Variants in AFF3 observed in about 807,000 individuals in gnomAD.
The protein encoded by AFF3 is ALF transcription elongation factor 3, also known as AF4/FMR2 family member 3.
AFF3 carries 32 observed loss-of-function variants against 129.7 expected under a neutral mutation model. The observed-to-expected ratio is 0.25, with a 90% CI of 0.19 to 0.33. AFF3 has a LOEUF of 0.33. AFF3 is among the 10% of genes least tolerant of loss of function. The probability of loss-of-function intolerance (pLI) is 1.00; values close to 1 mark genes in which losing one functional copy is unlikely to be tolerated. For missense variants in AFF3, 1,373 were observed against 1,592.0 expected (o/e 0.86, Z 2.34); for synonymous variants, 644 against 635.4 (o/e 1.01, Z -0.20).
intron 4 of AFF3, among the ~76,000 whole-genome samples, chr2:100,090,952 A>G (rs1334886189): frequency 1.1e-4 from 17 of 152,068 alleles, no homozygotes; most frequent in Non-Finnish European, 1.8e-4. Context: ...GGCCTCCCAA[A>G]GTGCTGGGAT....
At chr2:100,015,158 T>C (rs917254887) in intron 4 of AFF3, among the ~76,000 whole-genome samples, 5 of 152,066 alleles carry the variant, frequency 3.3e-5, no homozygotes, top group Non-Finnish European at 7.4e-5. Flanking sequence ...ATTTATGTGG[T>C]TTACCCACTG....
At chr2:99,788,616 G>T (rs1684974438) in intron 8 of AFF3, among the ~76,000 whole-genome samples, 1 of 152,130 alleles carries the variant, frequency 6.6e-6, no homozygotes, top group South Asian at 2.1e-4. Flanking sequence ...AAGTAAAAAG[G>T]TTACAGTAAG....
chr2:99,672,329 T>C (rs1225148253), intron 12 of AFF3, among the ~76,000 whole-genome samples: 1 of 152,072 alleles, frequency 6.6e-6, no homozygotes, highest in Non-Finnish European at 1.5e-5. Flanking sequence ...CTCAATATCA[T>C]AAAAAATTAC....
intron 7 of AFF3, among the ~76,000 whole-genome samples, chr2:99,852,243 A>C (rs928336684): frequency 4.6e-5 from 7 of 152,196 alleles, no homozygotes; most frequent in African/African-American, 1.7e-4. Context: ...TCAATCTGTT[A>C]AGCAAGAAAA....
chr2:99,674,225 C>T (rs546566525), intron 11 of AFF3, among the ~76,000 whole-genome samples: 2 of 152,176 alleles, frequency 1.3e-5, no homozygotes. Context: ...ACCCCCAATT[C>T]CTCTGCATGT....
chr2:99,834,468 C>T (rs942849293), intron 8 of AFF3, among the ~76,000 whole-genome samples: 16 of 152,130 alleles, frequency 1.1e-4, no homozygotes, highest in African/African-American at 3.9e-4. Context: ...GTATGAGGGA[C>T]GTATTGCAAT....
intron 9 of AFF3, among the ~76,000 whole-genome samples, chr2:99,746,088 T>C (rs938788459): frequency 6.6e-6 from 1 of 151,674 alleles, no homozygotes; most frequent in Non-Finnish European, 1.5e-5. Flanking sequence ...TTTATCCATG[T>C]AACCAAAAAC....
At chr2:99,598,980 G>A (rs548103218) in intron 14 of AFF3, among the ~76,000 whole-genome samples, 2 of 152,200 alleles carry the variant, frequency 1.3e-5, no homozygotes, top group African/African-American at 4.8e-5. Context: ...AAGAACGAAC[G>A]TGCAGCCTGG....
intron 4 of AFF3, among the ~76,000 whole-genome samples, chr2:100,084,048 A>G (rs1181984258): frequency 6.6e-6 from 1 of 152,206 alleles, no homozygotes; most frequent in African/African-American, 2.4e-5. Context: ...AATCTTTTTG[A>G]CCAAATATTC....
chr2:99,892,189 C>T (rs1035405133), intron 7 of AFF3, among the ~76,000 whole-genome samples: 2 of 151,914 alleles, frequency 1.3e-5, no homozygotes, highest in African/African-American at 4.8e-5. Flanking sequence ...TATATGGGCT[C>T]CAAAATAAAA....
At chr2:100,042,131 T>A (rs540364555) in intron 4 of AFF3, among the ~76,000 whole-genome samples, 1 of 152,226 alleles carries the variant, frequency 6.6e-6, no homozygotes, top group African/African-American at 2.4e-5. Context: ...CTTCCTTTGT[T>A]CTTTGTCTCT....
intron 7 of AFF3, among the ~76,000 whole-genome samples, chr2:99,851,774 G>A (rs1690163045): frequency 6.6e-6 from 1 of 152,136 alleles, no homozygotes; most frequent in Non-Finnish European, 1.5e-5. Flanking sequence ...ACCTCCCACT[G>A]TACCTCTGAG....
chr2:99,658,472 G>T (rs1240621714), intron 12 of AFF3, among the ~76,000 whole-genome samples: 3 of 152,174 alleles, frequency 2.0e-5, no homozygotes, highest in Admixed American at 2.0e-4. Flanking sequence ...AGCCTCCTGA[G>T]TAGCTGGGAT....
chr2:100,141,995 G>A lies in AFF3; in HGVS notation c.-228+489C>T, dbSNP rs183308085. On this transcript the variant is annotated intron_variant, in intron 1 of 24. Transcript: ENST00000672756. ...TCTGCAGAAGTGACGGTGGCCTTAG[G>A]TGGAACTGCCCATGATCTCTCCTTG... Among the ~76,000 whole-genome samples, 78 of 152,272 alleles carry A rather than the reference G, an allele frequency of 5.1e-4. No homozygotes were observed. The East Asian group carries it at 0.011, about 21-fold the overall frequency.
intron 11 of AFF3, among the ~76,000 whole-genome samples, chr2:99,717,753 T>C (rs1678524135): frequency 6.6e-6 from 1 of 152,260 alleles, no homozygotes; most frequent in South Asian, 2.1e-4. Context: ...TGTGGTTTTG[T>C]GACCTCTGTA....
intron 11 of AFF3, among the ~76,000 whole-genome samples, chr2:99,682,581 T>C (rs1674633176): frequency 6.6e-6 from 1 of 152,180 alleles, no homozygotes; most frequent in Non-Finnish European, 1.5e-5. Flanking sequence ...GCCACACCTT[T>C]CAAGCTCCCT....
chr2:99,905,571 T>G (rs1302280311), intron 7 of AFF3, among the ~76,000 whole-genome samples: 2 of 152,234 alleles, frequency 1.3e-5, no homozygotes, highest in African/African-American at 4.8e-5. Flanking sequence ...TTTGCTCTCC[T>G]GTGTTTATTC....
chr2:99,552,936 C>A (rs1002562185), intron 24 of AFF3, among the ~76,000 whole-genome samples: 4 of 152,134 alleles, frequency 2.6e-5, no homozygotes, highest in African/African-American at 9.7e-5. Context: ...CTTTTCTTTT[C>A]TTTATTTTTT....
chr2:99,669,535 A>C (rs962157366), intron 12 of AFF3, among the ~76,000 whole-genome samples: 1 of 152,190 alleles, frequency 6.6e-6, no homozygotes, highest in African/African-American at 2.4e-5. Flanking sequence ...GTGTTAGAAA[A>C]CAGGAAAGTG....
Sources: gnomAD v4.1 joint callset for allele counts (sites outside exome capture counted in the v4.1 genomes callset) on GRCh38, gnomAD v4.1.1 for gene constraint, MANE v1.5 for transcripts, NCBI Gene and HGNC (gene_info 2026-07-23, HGNC 2026-07-21) for gene names.